FBN1: variants seen among roughly 807,000 people sequenced by gnomAD.
FBN1 encodes the protein fibrillin-1.
In FBN1, 29 loss-of-function variants were observed where a neutral mutation model predicts 365.1. The ratio of observed to expected loss-of-function variants is 0.08; its 90% CI spans 0.06 to 0.11. FBN1 has a LOEUF of 0.11. FBN1 is among the 10% of genes least tolerant of loss of function. FBN1 has a pLI of 1.00. For synonymous variants in FBN1, 1,210 were observed against 1,270.5 expected (o/e 0.95, Z 1.01); for missense variants, 2,476 against 3,703.2 (o/e 0.67, Z 8.60).
Position 48,444,480 on chromosome 15 carries a change from T to C in FBN1, c.6037+61A>G. 9 of 1,602,272 alleles carry C rather than the reference T, an allele frequency of 5.6e-6. No individual in the cohort carries two copies. In the South Asian group the frequency reaches 8.8e-5, roughly 16 times the overall value. On this transcript the variant is annotated intron_variant, in intron 49 of 65. Transcript: ENST00000316623. ...GAAGACGTCATTACAAAAATTCTCA[T>C]TCTGCTAAGTCCAGTGGACACCCGA...
intron 64 of FBN1, among the ~76,000 whole-genome samples, chr15:48,413,795 C>T (rs970006134): frequency 6.6e-6 from 1 of 152,122 alleles, no homozygotes; most frequent in African/African-American, 2.4e-5. Flanking sequence ...AACTAATTTT[C>T]CTATATACCC....
chr15:48,471,072 G>A (rs1446549611), intron 35 of FBN1, among the ~76,000 whole-genome samples: 3 of 151,634 alleles, frequency 2.0e-5, no homozygotes, highest in African/African-American at 7.3e-5. Flanking sequence ...GCCACCTTAC[G>A]CTAAATTCGT....
chr15:48,485,546 T>A, intron 29 of FBN1, 50 bp from the exon 30 acceptor site: 1 of 1,600,560 alleles, frequency 6.2e-7, no homozygotes, highest in Non-Finnish European at 8.5e-7. Flanking sequence ...TGGATGTCTG[T>A]CCCCTCCAAT....
At chr15:48,442,827 G>T (rs2043126972) in intron 49 of FBN1, among the ~76,000 whole-genome samples, 1 of 152,168 alleles carries the variant, frequency 6.6e-6, no homozygotes. Flanking sequence ...AGTGAACAAA[G>T]TGGTAAGTCT....
intron 2 of FBN1, among the ~76,000 whole-genome samples, chr15:48,631,255 T>G (rs1200042617): frequency 6.6e-6 from 1 of 152,186 alleles, no homozygotes; most frequent in African/African-American, 2.4e-5. Context: ...AATCTCTTTG[T>G]AGTAAATGAG....
At position 48,526,172 on chromosome 15, in the gene FBN1, G is replaced by T. The variant is rs756687172; in HGVS notation, c.946C>A (p.Pro316Thr). 6.2e-7 allele frequency: 1 copy of T among 1,614,060 alleles called. No homozygotes were observed. Among genetic ancestry groups the T allele is most frequent in the Non-Finnish European group, 8.5e-7 (1 of 1,179,974 alleles). The change falls in exon 9 of 66, where the codon CCC (proline) becomes ACC (threonine). Residue 316 changes from proline (P) to threonine (T), a missense_variant. This residue lies in a region of FBN1 where 421 missense variants were observed against 520.1 expected (regional missense o/e 0.81). Transcript: ENST00000316623. ...TCTGGAGAGGTGTAAAAACCAGGGG[G>T]ACATTTGCAAAAGTAACTGCTGACT... Reference protein sequence around the residue: ...NTVSSYFCKCPPGFYTSPDGT... With the variant: ...NTVSSYFCKCTPGFYTSPDGT...
chr15:48,570,001 C>T (rs1172635533), intron 6 of FBN1, among the ~76,000 whole-genome samples: 1 of 151,862 alleles, frequency 6.6e-6, no homozygotes, highest in Non-Finnish European at 1.5e-5. Context: ...AAAATCAATT[C>T]ACAAACCAAT....
intron 6 of FBN1, among the ~76,000 whole-genome samples, chr15:48,593,967 A>G (rs953128028): frequency 6.6e-6 from 1 of 152,188 alleles, no homozygotes; most frequent in Non-Finnish European, 1.5e-5. Context: ...AAGCACCACA[A>G]TAAGTATACC....
intron 9 of FBN1, among the ~76,000 whole-genome samples, chr15:48,524,166 T>C (rs1431510882): frequency 6.6e-6 from 1 of 152,026 alleles, no homozygotes; most frequent in Non-Finnish European, 1.5e-5. Context: ...CTACAGGCAA[T>C]ATTACAAATG....
At chr15:48,547,721 TCA>T (rs57915350) in intron 6 of FBN1, among the ~76,000 whole-genome samples, 30,137 of 130,560 alleles carry the variant, frequency 0.23, 3,649 homozygotes, top group Non-Finnish European at 0.32. Flanking sequence ...CTTCTCTCTT[TCA>T]CACACACACA....
At chr15:48,521,495 C>T (rs2043854507) in intron 9 of FBN1, among the ~76,000 whole-genome samples, 1 of 152,152 alleles carries the variant, frequency 6.6e-6, no homozygotes, top group Admixed American at 6.5e-5. Flanking sequence ...TACAATAGCT[C>T]TAGAAGGATT....
chr15:48,485,621 A>G (rs1054572353), intron 29 of FBN1, 125 bp from the exon 30 acceptor site: 16 of 1,045,410 alleles, frequency 1.5e-5, no homozygotes, highest in Non-Finnish European at 2.2e-5. Flanking sequence ...AAAAGAGGTA[A>G]TCATCCTATG....
chr15:48,464,774 T>C (rs2043307544), intron 40 of FBN1, among the ~76,000 whole-genome samples: 1 of 152,156 alleles, frequency 6.6e-6, no homozygotes. Context: ...GAATCTGCAT[T>C]GGTAAGGCAG....
At chr15:48,442,489 T>C (rs2043123831) in intron 49 of FBN1, among the ~76,000 whole-genome samples, 1 of 152,250 alleles carries the variant, frequency 6.6e-6, no homozygotes, top group Non-Finnish European at 1.5e-5. Flanking sequence ...ACAGGCTTTT[T>C]CTTTCATCAT....
chr15:48,504,494 C>T (rs1566913852), intron 16 of FBN1, among the ~76,000 whole-genome samples: 1 of 152,212 alleles, frequency 6.6e-6, no homozygotes, highest in Non-Finnish European at 1.5e-5. Flanking sequence ...CAGTCTCCTG[C>T]TATGCCCTAT....
In FBN1 at chr15:48,508,823, A is replaced by G; in HGVS notation, c.1715-119T>C. The G allele has an allele frequency of 3.3e-6, 4 of 1,203,346 alleles. No individual in the cohort carries two copies. In the East Asian group the frequency reaches 7.5e-5, roughly 23 times the overall value. The allele number at this position is 1,203,346 out of a possible 1,614,324, so 74.5% of individuals were successfully genotyped here. A position where few individuals can be genotyped will look rare whatever the true frequency, so the allele number is the denominator to read the frequency against. On this transcript the variant is annotated intron_variant, in intron 14 of 65. Transcript: ENST00000316623. ...TCTTTCTTTTTGTTATTACAGCCTA[A>G]GGCTAACTTTCATCCAAATAAGATC...
intron 6 of FBN1, among the ~76,000 whole-genome samples, chr15:48,576,608 T>C (rs370031442): frequency 1.3e-5 from 2 of 152,294 alleles, no homozygotes; most frequent in African/African-American, 4.8e-5. Context: ...AGAGAGGGAC[T>C]AAAATGAATT....
intron 6 of FBN1, among the ~76,000 whole-genome samples, chr15:48,555,392 C>T (rs1221922627): frequency 6.6e-6 from 1 of 152,146 alleles, no homozygotes; most frequent in Admixed American, 6.5e-5. Context: ...GTCTGTATTA[C>T]CCAAGAACAT....
intron 60 of FBN1, among the ~76,000 whole-genome samples, chr15:48,423,646 G>C (rs533090311): frequency 6.6e-6 from 1 of 152,296 alleles, no homozygotes; most frequent in African/African-American, 2.4e-5. Context: ...TTGCCTCCAA[G>C]ATGCCCTTCC....
Sources: allele counts gnomAD v4.1 joint callset (sites outside exome capture counted in the v4.1 genomes callset), GRCh38; gene constraint gnomAD v4.1.1; regional missense constraint gnomAD v4.1.1; transcripts MANE v1.5; gene names NCBI Gene and HGNC (gene_info 2026-07-23, HGNC 2026-07-21).